The following ZNF665 variants were observed in gnomAD, a reference collection of about 807,000 sequenced individuals.
ZNF665 encodes zinc finger protein 665.
ZNF665 carries 6 observed loss-of-function variants against 7.9 expected under a neutral mutation model. That is an observed-to-expected ratio of 0.76 (90% confidence interval 0.42 to 1.50). The LOEUF (loss-of-function observed/expected upper bound fraction) is 1.50. ZNF665 is among the 40% of genes most tolerant of loss of function. The probability of loss-of-function intolerance (pLI) is 0.01; values close to 1 mark genes in which losing one functional copy is unlikely to be tolerated. For synonymous variants in ZNF665, 242 were observed against 274.5 expected (o/e 0.88, Z 1.17); for missense variants, 819 against 806.7 (o/e 1.02, Z -0.18).
At chr19:53,182,987 C>A in intron 1 of ZNF665, 44 bp from the exon 2 acceptor site, 1 of 1,560,114 alleles carries the variant, frequency 6.4e-7, no homozygotes, top group South Asian at 1.1e-5. Context: ...TCCTGAATGT[C>A]AAAAATACGC....
intron 2 of ZNF665, among the ~76,000 whole-genome samples, chr19:53,178,622 A>C (rs1184806956): frequency 6.6e-6 from 1 of 152,228 alleles, no homozygotes; most frequent in Non-Finnish European, 1.5e-5. Flanking sequence ...GAAGTACAAG[A>C]AATGAGAGAA....
At chr19:53,166,991 A>ATTTC (rs146474857) in intron 3 of ZNF665, among the ~76,000 whole-genome samples, 77,203 of 150,668 alleles carry the variant, frequency 0.51, 22,415 homozygotes, top group South Asian at 0.71. Flanking sequence ...TAACAGTTAT[A>ATTTC]TTTCTTTCTT....
At position 53,182,787 on chromosome 19, in the gene ZNF665, G is replaced by T. The variant is rs570484228; in HGVS notation, c.15+97C>A. ...CGAGTGAGTGCGAGCAAACCTGTCA[G>T]GCAGGATGCTTCAGACTCAGAGAAG... On this transcript the variant is annotated intron_variant, in intron 2 of 3. Transcript: ENST00000396424. The T allele has an allele frequency of 2.0e-4, 311 of 1,583,298 alleles. 1 individual carries two copies. The South Asian group carries it at 2.5e-3, about 13-fold the overall frequency.
At chr19:53,190,095 T>C (rs888382978) in intron 1 of ZNF665, 1 of 152,354 alleles carries the variant, frequency 6.6e-6, no homozygotes, top group Non-Finnish European at 1.5e-5. Context: ...ATGATATTCA[T>C]ATATAATCAT....
chr19:53,170,419 C>T (rs2090648740), intron 3 of ZNF665, among the ~76,000 whole-genome samples: 1 of 152,124 alleles, frequency 6.6e-6, no homozygotes, highest in Non-Finnish European at 1.5e-5. Context: ...TTAATTGAAC[C>T]TTTGTGTTGA....
intron 3 of ZNF665, among the ~76,000 whole-genome samples, chr19:53,167,619 T>A (rs1362754814): frequency 6.7e-6 from 1 of 150,076 alleles, no homozygotes; most frequent in African/African-American, 2.5e-5. Context: ...GCTAATTTTT[T>A]GTATTTTTAG....
intron 3 of ZNF665, among the ~76,000 whole-genome samples, chr19:53,169,823 G>A (rs1418895457): frequency 3.4e-5 from 5 of 147,670 alleles, no homozygotes; most frequent in African/African-American, 1.3e-4. Flanking sequence ...TGAGAATGAT[G>A]ATTTCCAATT....
At chr19:53,180,135 T>C (rs942653038) in intron 2 of ZNF665, among the ~76,000 whole-genome samples, 1 of 152,126 alleles carries the variant, frequency 6.6e-6, no homozygotes, top group Non-Finnish European at 1.5e-5. Flanking sequence ...AGTTCATTAA[T>C]AGATAATAGA....
chr19:53,185,356 C>T (rs974747228), intron 1 of ZNF665, among the ~76,000 whole-genome samples: 5 of 152,212 alleles, frequency 3.3e-5, no homozygotes, highest in Admixed American at 6.5e-5. Context: ...ACAGAGGGTT[C>T]GCACTCTTGT....
Position 53,166,134 on chromosome 19 carries a change from T to C in ZNF665, c.356A>G (p.Asn119Ser). 2 of 1,613,820 alleles carry C rather than the reference T, an allele frequency of 1.2e-6. No individual in the cohort carries two copies. Among genetic ancestry groups the C allele is most frequent in the South Asian group, 2.2e-5 (2 of 91,042 alleles). Residue 119 changes from asparagine (N) to serine (S), a missense_variant, in exon 4 of 4, where the codon AAT becomes AGT. By Grantham distance (46) the Asn-to-Ser change is conservative (BLOSUM62 1). Transcript: ENST00000396424. ...YKTVLMLQKE[N>S]LPGRRAQRDR... The stretch of plus-strand genomic sequence containing the variant: ...ACGTTGAGCTCTTCTACCAGGGAGA[T>C]TTTCTTTTTGCAACATAAGTACTGT...
At chr19:53,192,885 T>C (rs546402428) in intron 1 of ZNF665, among the ~76,000 whole-genome samples, 3 of 151,712 alleles carry the variant, frequency 2.0e-5, no homozygotes, top group Non-Finnish European at 4.4e-5. Flanking sequence ...CGACGGCGCC[T>C]TAGGAGAGGG....
At chr19:53,167,554 C>T (rs569934975) in intron 3 of ZNF665, among the ~76,000 whole-genome samples, 29 of 151,084 alleles carry the variant, frequency 1.9e-4, no homozygotes, top group Admixed American at 4.6e-4. Flanking sequence ...TCCCGCCATT[C>T]TCCTGCCTCA....
chr19:53,173,372 C>CTTTTTTTTTTTTTTTTTTTTTTT (rs34425717), intron 3 of ZNF665, among the ~76,000 whole-genome samples: 1 of 78,880 alleles, frequency 1.3e-5, no homozygotes, highest in African/African-American at 4.8e-5. Context: ...TTTTTTCACT[C>CTTTTTTTTTTTTTTTTTTTTTTT]TTTTTTTTTT....
rs35735454 is a variant in ZNF665, at chr19:53,164,133, C to CTTTTTTTTT, written c.*311_*319dup. The CTTTTTTTTT allele has an allele frequency of 9.6e-6, 1 of 104,642 alleles. No homozygotes were observed. 6.5% of individuals were successfully genotyped at this position (104,642 alleles called of 1,614,324 possible). A position where few individuals can be genotyped will look rare whatever the true frequency, so the allele number is the denominator to read the frequency against. On this transcript the variant is annotated 3_prime_UTR_variant, in exon 4 of 4. Coordinates refer to ENST00000396424, the MANE Select transcript of ZNF665 (RefSeq NM_024733.5). The stretch of plus-strand genomic sequence containing the variant: ...CTGGCCGCACTCCTTTGTAAGGTTA[C>CTTTTTTTTT]TTTTTTTTTTTTTTTTTTTTTGGAG...
At chr19:53,175,032 G>T (rs2090686487) in intron 3 of ZNF665, among the ~76,000 whole-genome samples, 1 of 150,902 alleles carries the variant, frequency 6.6e-6, no homozygotes, top group South Asian at 2.1e-4. Flanking sequence ...CGTACCCTTA[G>T]GTTTACATGA....
At chr19:53,173,756 A>T (rs1474651840) in intron 3 of ZNF665, among the ~76,000 whole-genome samples, 2 of 152,282 alleles carry the variant, frequency 1.3e-5, no homozygotes, top group Non-Finnish European at 1.5e-5. Flanking sequence ...CTATATCTTC[A>T]TAATACAGTT....
intron 3 of ZNF665, 72 bp from the exon 4 acceptor site, chr19:53,166,419 CTAA>C: frequency 7.6e-7 from 1 of 1,313,428 alleles, no homozygotes; most frequent in South Asian, 1.7e-5. Context: ...ATTGAAAAAC[CTAA>C]TGTTACACCA....
intron 1 of ZNF665, among the ~76,000 whole-genome samples, chr19:53,191,567 G>T (rs2090816960): frequency 6.6e-6 from 1 of 152,210 alleles, no homozygotes; most frequent in African/African-American, 2.4e-5. Flanking sequence ...TTAGGGGCTG[G>T]GCACAGTGGC....
chr19:53,166,461 C>G (rs569347004), intron 3 of ZNF665, 114 bp from the exon 4 acceptor site: 2 of 970,074 alleles, frequency 2.1e-6, no homozygotes, highest in Non-Finnish European at 2.9e-6. Context: ...AACAGACTTA[C>G]GATTCTTCAG....
Sources: allele counts gnomAD v4.1 joint callset (sites outside exome capture counted in the v4.1 genomes callset), GRCh38; gene constraint gnomAD v4.1.1; transcripts MANE v1.5; gene names NCBI Gene and HGNC (gene_info 2026-07-23, HGNC 2026-07-21).